SLC22A16: variants seen among roughly 807,000 people sequenced by gnomAD.
The protein encoded by SLC22A16 is solute carrier family 22 member 16, also known as WUGSC:RG331P03.1.
SLC22A16 carries 53 observed loss-of-function variants against 52.9 expected under a neutral mutation model. That is an observed-to-expected ratio of 1.00 (90% CI 0.80 to 1.26). The LOEUF is 1.26. Ranked by LOEUF, SLC22A16 falls within the 50% of genes most tolerant of loss-of-function variation. The probability of loss-of-function intolerance (pLI) is 0.00; values close to 1 mark genes in which losing one functional copy is unlikely to be tolerated. For missense variants in SLC22A16, 726 were observed against 704.0 expected, an observed-to-expected ratio of 1.03 and a Z score of -0.35; for synonymous variants, 291 against 268.8, an observed-to-expected ratio of 1.08 and a Z score of -0.81.
At chr6:110,476,040 C>T in intron 1 of SLC22A16, 1 of 455,862 alleles carries the variant, frequency 2.2e-6, no homozygotes, top group Non-Finnish European at 4.4e-6. Flanking sequence ...CGGCAACCAA[C>T]TCTGACTAAC....
chr6:110,425,066 G>A lies in SLC22A16; in HGVS notation c.1541C>T (p.Ala514Val). 1 of 1,614,132 alleles carries A rather than the reference G, an allele frequency of 6.2e-7. No homozygotes were observed. The highest frequency in any genetic ancestry group is 1.1e-5 in the South Asian group (1 of 91,066). The change falls in exon 8 of 8, where the codon GCC becomes GTC. Residue 514 changes from alanine to valine, a missense_variant. Coordinates refer to ENST00000368919, the MANE Select transcript of SLC22A16 (RefSeq NM_033125.4). Reference sequence around the variant, plus strand: ...TAGTGTTAACACTCCACTCAGGAGGGCCATAGTCCCAACAAACAACTAGAA... The same window carrying A: ...TAGTGTTAACACTCCACTCAGGAGGACCATAGTCCCAACAAACAACTAGAA... ...FIPQLFVGTM[A>V]LLSGVLTLKL...
chr6:110,426,437 C>T (rs1774258257), intron 7 of SLC22A16, among the ~76,000 whole-genome samples: 1 of 152,028 alleles, frequency 6.6e-6, no homozygotes, highest in Admixed American at 6.6e-5. Flanking sequence ...ACCAGCTCCC[C>T]ACAATCCCCC....
rs1468952185 is a variant in SLC22A16, at chr6:110,438,846, A to T, written c.1185T>A (p.Gly395=). 1 of 1,613,694 alleles carries T rather than the reference A, an allele frequency of 6.2e-7. No homozygotes were observed. Among genetic ancestry groups the T allele is most frequent in the Non-Finnish European group, 8.5e-7 (1 of 1,179,842 alleles). ...AGGTGTAGGCGGGAATTTCCACTAC[A>T]CCTGTCATTGAGCAAGCAGCCCTCT... The part of the protein sequence containing the change: ...GNEYLNLFLL[G]VVEIPAYTFV... The change falls in exon 5 of 8, where the codon GGT becomes GGA. Residue 395 remains glycine, a splice_region_variant and synonymous_variant. Coordinates refer to ENST00000368919, the MANE Select transcript of SLC22A16 (RefSeq NM_033125.4).
chr6:110,471,886 C>A (rs1364094734), intron 1 of SLC22A16, among the ~76,000 whole-genome samples: 1 of 152,194 alleles, frequency 6.6e-6, no homozygotes, highest in Non-Finnish European at 1.5e-5. Flanking sequence ...TTCAGCAACA[C>A]CCCTGCTGAG....
At chr6:110,452,989 T>C (rs1161598565) in intron 2 of SLC22A16, among the ~76,000 whole-genome samples, 3 of 152,230 alleles carry the variant, frequency 2.0e-5, no homozygotes, top group Admixed American at 6.5e-5. Flanking sequence ...TCTGTCTCTC[T>C]GAGCTTTAAT....
chr6:110,475,812 T>A lies in SLC22A16; in HGVS notation c.53+710A>T, dbSNP rs554524114. ...TGAACGAACGAATGAATAATTTAAA[T>A]TTTTTAAATCAATTTGACAAATGAA... On this transcript the variant is annotated intron_variant, in intron 1 of 7. Transcript: ENST00000368919. The A allele has an allele frequency of 1.4e-5, 6 of 417,660 alleles. No homozygotes were observed. The East Asian group carries it at 3.6e-4, about 25-fold the overall frequency. The allele number at this position is 417,660 out of a possible 1,614,324, so 25.9% of individuals were successfully genotyped here.
Position 110,435,865 on chromosome 6 carries a change from G to T in SLC22A16, c.1408C>A (p.Pro470Thr), listed in dbSNP as rs1244482234. 1 of 1,605,068 alleles carries T rather than the reference G, an allele frequency of 6.2e-7. No homozygotes were observed. Among genetic ancestry groups the T allele is most frequent in the Non-Finnish European group, 8.5e-7 (1 of 1,174,574 alleles). ...LIYLYTAELY[P>T]TIVRSLAVGS... Reference sequence around the variant, plus strand: ...ATTCATCCTTACCTTACAATGGTTGGATACAGCTCAGCTGTATAAAGATAA... The same window carrying T: ...ATTCATCCTTACCTTACAATGGTTGTATACAGCTCAGCTGTATAAAGATAA... The change falls in exon 6 of 8, where the codon CCA (proline) becomes ACA (threonine). Residue 470 changes from proline (P) to threonine (T), a missense_variant. Pro to Thr is a conservative substitution (Grantham distance 38, BLOSUM62 -1). Coordinates refer to ENST00000368919, the MANE Select transcript of SLC22A16 (RefSeq NM_033125.4).
chr6:110,452,854 A>G (rs1025443737), intron 2 of SLC22A16, among the ~76,000 whole-genome samples: 1 of 152,200 alleles, frequency 6.6e-6, no homozygotes, highest in African/African-American at 2.4e-5. Flanking sequence ...AGTTGATTGT[A>G]TGAATTTTGT....
intron 1 of SLC22A16, among the ~76,000 whole-genome samples, chr6:110,467,123 C>A (rs1776097041): frequency 6.6e-6 from 1 of 152,206 alleles, no homozygotes; most frequent in Non-Finnish European, 1.5e-5. Flanking sequence ...CAAAGACCTA[C>A]AAGAATTCTC....
At chr6:110,471,149 A>T (rs1330631638) in intron 1 of SLC22A16, among the ~76,000 whole-genome samples, 1 of 152,194 alleles carries the variant, frequency 6.6e-6, no homozygotes, top group African/African-American at 2.4e-5. Flanking sequence ...CCATAAGATT[A>T]TAATATTAAT....
chr6:110,462,631 G>C (rs1775926009), intron 1 of SLC22A16, among the ~76,000 whole-genome samples: 1 of 152,158 alleles, frequency 6.6e-6, no homozygotes, highest in African/African-American at 2.4e-5. Context: ...ATGCAATTAT[G>C]TAAAGGGACC....
chr6:110,443,704 G>A (rs374535133), intron 3 of SLC22A16, among the ~76,000 whole-genome samples: 1 of 152,170 alleles, frequency 6.6e-6, no homozygotes, highest in African/African-American at 2.4e-5. Flanking sequence ...ATTGAAAGTG[G>A]GGTCTGGAAG....
chr6:110,461,688 G>A (rs1219033522), intron 1 of SLC22A16, among the ~76,000 whole-genome samples: 1 of 152,066 alleles, frequency 6.6e-6, no homozygotes, highest in Non-Finnish European at 1.5e-5. Flanking sequence ...GCAGCATCTG[G>A]GAAAGCCACC....
intron 7 of SLC22A16, among the ~76,000 whole-genome samples, chr6:110,427,947 C>T (rs1445090841): frequency 6.6e-6 from 1 of 152,180 alleles, no homozygotes; most frequent in African/African-American, 2.4e-5. Flanking sequence ...TCAAGACAGG[C>T]TATTTCTTTC....
intron 1 of SLC22A16, among the ~76,000 whole-genome samples, chr6:110,463,367 C>T (rs530334095): frequency 6.6e-6 from 1 of 151,658 alleles, no homozygotes; most frequent in East Asian, 1.9e-4. Flanking sequence ...CAACCATCTG[C>T]TACCTACAAG....
At chr6:110,434,630 G>A (rs1434349088) in intron 6 of SLC22A16, among the ~76,000 whole-genome samples, 1 of 142,006 alleles carries the variant, frequency 7.0e-6, no homozygotes. Flanking sequence ...GGGTGTCGGG[G>A]GGGCGGGTGG....
Position 110,454,858 on chromosome 6 carries a change from ATGT to A in SLC22A16, c.533+1677_533+1679del, listed in dbSNP as rs532223799. ...ATATATATTATAATATATATAATATATGTTATATTATATATAATATATATATTA... is the reference window on the plus strand; with the variant it reads ...ATATATATTATAATATATATAATATATATATTATATATAATATATATATTA... On this transcript the variant is annotated intron_variant, in intron 2 of 7. Transcript: ENST00000368919. 2.2e-3 allele frequency among the ~76,000 whole-genome samples: 146 copies of A among 65,838 alleles called. 6 individuals are homozygous for A. The highest frequency in any genetic ancestry group is 8.4e-3 in the African/African-American group (114 of 13,604). The allele number at this position is 65,838 out of a possible 152,430, so 43.2% of individuals were successfully genotyped here.
chr6:110,462,107 C>T (rs1388307229), intron 1 of SLC22A16, among the ~76,000 whole-genome samples: 2 of 152,172 alleles, frequency 1.3e-5, no homozygotes, highest in African/African-American at 4.8e-5. Flanking sequence ...TTGTGAGACC[C>T]TTTTACTGTC....
intron 1 of SLC22A16, among the ~76,000 whole-genome samples, chr6:110,458,164 T>TGC (rs1775738962): frequency 6.6e-6 from 1 of 151,992 alleles, no homozygotes; most frequent in African/African-American, 2.4e-5. Context: ...TCTCTCTCTC[T>TGC]CCCCGCCTCG....
Sources: gnomAD v4.1 joint callset for allele counts (sites outside exome capture counted in the v4.1 genomes callset) on GRCh38, gnomAD v4.1.1 for gene constraint, MANE v1.5 for transcripts, NCBI Gene and HGNC (gene_info 2026-07-23, HGNC 2026-07-21) for gene names.